The following FBN3 variants were observed in gnomAD, a reference collection of about 807,000 sequenced individuals.
FBN3 encodes fibrillin 3.
Under a neutral mutation model 330.1 loss-of-function variants are expected in FBN3, and 234 were observed. The ratio of observed to expected loss-of-function variants is 0.71; its 90% confidence interval spans 0.64 to 0.79. FBN3 has a LOEUF of 0.79. Ranked by LOEUF, FBN3 falls within the 30% of genes least tolerant of loss-of-function variation. The probability of loss-of-function intolerance (pLI) is 0.00; values close to 1 mark genes in which losing one functional copy is unlikely to be tolerated. For synonymous variants in FBN3, 1,458 were observed against 1,517.3 expected (o/e 0.96, Z 0.91); for missense variants, 3,606 against 3,886.9 (o/e 0.93, Z 1.92).
chr19:8,102,922 A>G (rs1374091468), intron 39 of FBN3, 49 bp from the exon 40 acceptor site: 2 of 1,590,406 alleles, frequency 1.3e-6, no homozygotes, highest in South Asian at 2.2e-5. Context: ...CACCTAAATC[A>G]GTGGAAGAGG....
chr19:8,103,809 G>C, intron 38 of FBN3, 122 bp from the exon 39 acceptor site: 3 of 882,052 alleles, frequency 3.4e-6, no homozygotes, highest in Non-Finnish European at 5.2e-6. Flanking sequence ...TTCAAAATCA[G>C]TTTAAAACGC....
In FBN3 at chr19:8,109,796, CG is replaced by C; in HGVS notation, c.4334-44del. On this transcript the variant is annotated intron_variant, in intron 34 of 63. Coordinates refer to ENST00000600128, the MANE Select transcript of FBN3 (RefSeq NM_032447.5). This position sits in a 1 kb window ranked among gnomAD's most constrained non-coding sequence, Gnocchi z 5.2. The stretch of plus-strand genomic sequence containing the variant: ...GGTCCTCAGCAGGGAGCCCCTTCCT[CG>C]GCCCCCCTCCCTCCTAGCTTCATCC... The C allele has an allele frequency of 6.9e-7, 1 of 1,440,094 alleles. No individual in the cohort carries two copies. Among genetic ancestry groups the C allele is most frequent in the Non-Finnish European group, 9.1e-7 (1 of 1,094,922 alleles). The allele number at this position is 1,440,094 out of a possible 1,614,324, so 89.2% of individuals were successfully genotyped here. A position where few individuals can be genotyped will look rare whatever the true frequency, so the allele number is the denominator to read the frequency against.
chr19:8,118,390 G>T (rs1398873961), intron 26 of FBN3, among the ~76,000 whole-genome samples: 1 of 152,166 alleles, frequency 6.6e-6, no homozygotes, highest in Non-Finnish European at 1.5e-5. Flanking sequence ...AGCCCAGGAG[G>T]TGGAGGCTGC....
intron 18 of FBN3, among the ~76,000 whole-genome samples, chr19:8,127,474 G>A (rs1179717734): frequency 6.6e-6 from 1 of 152,152 alleles, no homozygotes; most frequent in East Asian, 1.9e-4. Flanking sequence ...GACACCAGCA[G>A]GGTGCCCTAT....
At position 8,113,841 on chromosome 19, in the gene FBN3, C is replaced by CAAAA. The variant is rs34470005; in HGVS notation, c.3838+1670_3838+1673dup. 2.2e-3 allele frequency among the ~76,000 whole-genome samples: 255 copies of CAAAA among 117,812 alleles called. 3 individuals carry two copies. The highest frequency in any genetic ancestry group is 0.013 in the Middle Eastern group (3 of 232). The allele number at this position is 117,812 out of a possible 152,430, so 77.3% of individuals were successfully genotyped here. ...GCGACATAGTAAAACACTATCTCTA[C>CAAAA]AAAAAAAAAAAAAAAAATTAGCTGA... On this transcript the variant is annotated intron_variant, in intron 30 of 63. Transcript: ENST00000600128.
At chr19:8,137,583 C>T (rs1489847751) in intron 10 of FBN3, among the ~76,000 whole-genome samples, 1 of 151,860 alleles carries the variant, frequency 6.6e-6, no homozygotes, top group East Asian at 1.9e-4. Context: ...CAGGCCCAAA[C>T]TCCCCACCCA....
At position 8,131,218 on chromosome 19, in the gene FBN3, G is replaced by A; in HGVS notation, c.2044+17C>T. ...GGGCAGGCTGGCTGCTGTTTGGAGG[G>A]GCTGGGCTCCACTTACCTCGACCAT... On this transcript the variant is annotated intron_variant, in intron 16 of 63. Transcript: ENST00000600128. The surrounding 1 kb of genome is among the most constrained non-coding windows in gnomAD (Gnocchi z 4.5). 1.9e-6 allele frequency: 3 copies of A among 1,603,842 alleles called. No homozygotes were observed. The highest frequency in any genetic ancestry group is 2.3e-5 in the South Asian group (2 of 88,410).
intron 18 of FBN3, among the ~76,000 whole-genome samples, chr19:8,128,532 C>T (rs2083048405): frequency 6.7e-6 from 1 of 149,054 alleles, no homozygotes; most frequent in Non-Finnish European, 1.5e-5. Context: ...CACTGCACTC[C>T]AGCCTGGGTG....
At chr19:8,140,457 G>C (rs1599443142) in intron 8 of FBN3, among the ~76,000 whole-genome samples, 1 of 152,120 alleles carries the variant, frequency 6.6e-6, no homozygotes, top group Non-Finnish European at 1.5e-5. Context: ...GAGTAAGAAT[G>C]TGTTAAAAGA....
intron 30 of FBN3, among the ~76,000 whole-genome samples, chr19:8,112,550 T>C (rs550218924): frequency 6.6e-6 from 1 of 152,270 alleles, no homozygotes; most frequent in African/African-American, 2.4e-5. Flanking sequence ...CTCAGGACGC[T>C]GAGGCAGGAG....
intron 36 of FBN3, among the ~76,000 whole-genome samples, chr19:8,108,765 C>T (rs1024698166): frequency 6.6e-6 from 1 of 152,132 alleles, no homozygotes; most frequent in Non-Finnish European, 1.5e-5. Context: ...CAAGCCTCCT[C>T]CCCTGGAAAG....
intron 59 of FBN3, 88 bp from the exon 60 acceptor site, chr19:8,075,499 T>TCC: frequency 7.2e-7 from 1 of 1,383,756 alleles, no homozygotes; most frequent in Non-Finnish European, 9.9e-7. Context: ...ACTGTGTGGC[T>TCC]TCAGGCAAGT....
In FBN3 at chr19:8,109,532, T is replaced by C. The variant is rs2082529161; in HGVS notation, c.4456+99A>G. ...AGATGTCCCGTTTGTCAGGAGCAGGTAGATTTGAACACGTTGACATCTGAG... is the reference window on the plus strand; with the variant it reads ...AGATGTCCCGTTTGTCAGGAGCAGGCAGATTTGAACACGTTGACATCTGAG... On this transcript the variant is annotated intron_variant, in intron 35 of 63. Coordinates refer to ENST00000600128, the MANE Select transcript of FBN3 (RefSeq NM_032447.5). The surrounding 1 kb of genome is among the most constrained non-coding windows in gnomAD (Gnocchi z 5.2). 11 of 1,541,330 alleles carry C rather than the reference T, an allele frequency of 7.1e-6. No individual in the cohort carries two copies. Among genetic ancestry groups the C allele is most frequent in the Non-Finnish European group, 9.7e-6 (11 of 1,133,672 alleles).
At chr19:8,143,085 C>T (rs2083450575) in intron 6 of FBN3, among the ~76,000 whole-genome samples, 1 of 152,162 alleles carries the variant, frequency 6.6e-6, no homozygotes, top group African/African-American at 2.4e-5. Context: ...CCTGGATGTC[C>T]CTGACGCCAC....
chr19:8,120,569 G>C (rs999573689), intron 25 of FBN3, among the ~76,000 whole-genome samples: 1 of 151,862 alleles, frequency 6.6e-6, no homozygotes, highest in Non-Finnish European at 1.5e-5. Flanking sequence ...GTTCACTGCA[G>C]CCTCAACCTC....
Position 8,103,446 on chromosome 19 carries a change from G to A in FBN3, c.4939+116C>T, listed in dbSNP as rs890653078. On this transcript the variant is annotated intron_variant, in intron 39 of 63. Transcript: ENST00000600128. ...CAGCTTTGTTTACTGCCACATGTCAGCACTTCATATATGCTTACCCTCCCT... is the reference window on the plus strand; with the variant it reads ...CAGCTTTGTTTACTGCCACATGTCAACACTTCATATATGCTTACCCTCCCT... 7 of 1,062,052 alleles carry A rather than the reference G, an allele frequency of 6.6e-6. No homozygotes were observed. The South Asian group carries it at 1.1e-4, about 16-fold the overall frequency. The allele number at this position is 1,062,052 out of a possible 1,614,324, so 65.8% of individuals were successfully genotyped here.
intron 13 of FBN3, among the ~76,000 whole-genome samples, chr19:8,133,964 C>T (rs371820625): frequency 1.9e-4 from 29 of 151,136 alleles, no homozygotes; most frequent in Middle Eastern, 6.8e-3. Context: ...CGGTGGTTCA[C>T]GCCCGTAATC....
rs775538659 is a variant in FBN3 at position 8,066,290 on chromosome 19, A to G, written c.8089-30T>C. On this transcript the variant is annotated intron_variant, in intron 63 of 63. Transcript: ENST00000600128. ...GAAGAAAGGCCAGGTGTGTGGTCAGAGCCCAGGAGAATCGGGATGTGGTGT... is the reference window on the plus strand; with the variant it reads ...GAAGAAAGGCCAGGTGTGTGGTCAGGGCCCAGGAGAATCGGGATGTGGTGT... 1.1e-5 allele frequency: 16 copies of G among 1,463,676 alleles called. No individual in the cohort carries two copies. The African/African-American group carries it at 2.0e-4, about 18-fold the overall frequency. The allele number at this position is 1,463,676 out of a possible 1,614,324, so 90.7% of individuals were successfully genotyped here. A position where few individuals can be genotyped will look rare whatever the true frequency, so the allele number is the denominator to read the frequency against.
chr19:8,086,734 C>T (rs1255842138), intron 54 of FBN3, among the ~76,000 whole-genome samples: 2 of 151,406 alleles, frequency 1.3e-5, no homozygotes, highest in Admixed American at 6.6e-5. Flanking sequence ...TCCCAAAGTG[C>T]TAGGATTACA....
Sources: allele counts gnomAD v4.1 joint callset (sites outside exome capture counted in the v4.1 genomes callset), GRCh38; gene constraint gnomAD v4.1.1; non-coding constraint Gnocchi (gnomAD v3.1); transcripts MANE v1.5; gene names NCBI Gene and HGNC (gene_info 2026-07-23, HGNC 2026-07-21).